The following STK24 variants were observed in gnomAD, a reference collection of about 807,000 sequenced individuals.
STK24 encodes serine/threonine kinase 24.
Under a neutral mutation model 55.6 loss-of-function variants are expected in STK24, and 21 were observed. That is an observed-to-expected ratio of 0.38 (90% confidence interval 0.27 to 0.54). The LOEUF is 0.54. STK24 is among the 20% of genes least tolerant of loss of function. The pLI is 0.79. For missense variants in STK24, 383 were observed against 538.4 expected (o/e 0.71, Z 2.86); for synonymous variants, 200 against 215.2 (o/e 0.93, Z 0.62).
intron 3 of STK24, among the ~76,000 whole-genome samples, chr13:98,479,944 C>G (rs1332354942): frequency 6.6e-6 from 1 of 152,180 alleles, no homozygotes; most frequent in Admixed American, 6.5e-5. Context: ...AGGCTCTGAG[C>G]TGGCAGAGCA....
rs1489096064 is a variant in STK24 at position 98,448,159 on chromosome 13, T to A, written c.*5014A>T. On this transcript the variant is annotated 3_prime_UTR_variant, in exon 11 of 11. Transcript: ENST00000539966. ...AGGCGGCCTGACTTCACCTTGTGTTTCTGTAAGCGATGCCCACCAAAGTGT... is the reference window on the plus strand; with the variant it reads ...AGGCGGCCTGACTTCACCTTGTGTTACTGTAAGCGATGCCCACCAAAGTGT... 4.0e-4 allele frequency: 502 copies of A among 1,261,526 alleles called. 1 individual carries two copies. In the African/African-American group the frequency reaches 4.7e-3, roughly 12 times the overall value. 78.1% of individuals were successfully genotyped at this position (1,261,526 alleles called of 1,614,324 possible).
intron 2 of STK24, among the ~76,000 whole-genome samples, chr13:98,512,635 AT>A (rs932410903): frequency 5.3e-5 from 8 of 151,160 alleles, no homozygotes; most frequent in African/African-American, 1.9e-4. Context: ...TTTCTCCTTC[AT>A]TAACACTACT....
At chr13:98,498,054 T>G (rs1325652483) in intron 2 of STK24, among the ~76,000 whole-genome samples, 1 of 152,082 alleles carries the variant, frequency 6.6e-6, no homozygotes, top group African/African-American at 2.4e-5. Flanking sequence ...GGTTTTGGAG[T>G]TTCTGGAATT....
intron 1 of STK24, chr13:98,542,982 T>C: frequency 2.0e-6 from 2 of 985,330 alleles, no homozygotes; most frequent in Non-Finnish European, 2.4e-6. Flanking sequence ...CCACTTCCTG[T>C]AGCAGAAAAC....
intron 10 of STK24, chr13:98,456,190 GT>G (rs1893445652): frequency 5.2e-6 from 1 of 192,204 alleles, no homozygotes; most frequent in South Asian, 8.1e-5. Flanking sequence ...TTCTCCTGCT[GT>G]CCCCACGTAG....
At position 98,575,406 on chromosome 13, in the gene STK24, T is replaced by TACAC. The variant is rs557819358; in HGVS notation, c.42+1335_42+1338dup. Among the ~76,000 whole-genome samples, 607 of 148,520 alleles carry TACAC rather than the reference T, an allele frequency of 4.1e-3. 3 individuals are homozygous for TACAC. Among genetic ancestry groups the TACAC allele is most frequent in the Middle Eastern group, 0.018 (5 of 282 alleles). On this transcript the variant is annotated intron_variant, in intron 1 of 10. Coordinates refer to ENST00000539966, the MANE Select transcript of STK24 (RefSeq NM_001032296.4). The stretch of plus-strand genomic sequence containing the variant: ...CACACATATATATACTGCTTATATA[T>TACAC]ACACACACACACACACACACACATA...
Position 98,551,065 on chromosome 13 carries a change from T to C in STK24, c.42+25680A>G, listed in dbSNP as rs376124741. 1.3e-4 allele frequency among the ~76,000 whole-genome samples: 20 copies of C among 152,130 alleles called. No homozygotes were observed. The South Asian group carries it at 3.9e-3, about 30-fold the overall frequency. On this transcript the variant is annotated intron_variant, in intron 1 of 10. Transcript: ENST00000539966. ...ACTTTGGGAGGCCGAGGTGGGTGGA[T>C]CACAAGGTCAGGAGATCGAGACCAT...
At chr13:98,466,279 C>G (rs562650548) in intron 6 of STK24, 97 bp downstream of exon 6, 1 of 1,206,526 alleles carries the variant, frequency 8.3e-7, no homozygotes, top group Non-Finnish European at 1.1e-6. Context: ...ACCAGGAAGA[C>G]AGCTGAAAAG....
intron 1 of STK24, among the ~76,000 whole-genome samples, chr13:98,564,694 T>G (rs1897520653): frequency 6.6e-6 from 1 of 151,240 alleles, no homozygotes; most frequent in South Asian, 2.1e-4. Flanking sequence ...TAGTTCGGGG[T>G]TTTCCAAAAA....
intron 1 of STK24, among the ~76,000 whole-genome samples, chr13:98,565,423 C>A (rs1897538818): frequency 6.6e-6 from 1 of 152,012 alleles, no homozygotes; most frequent in Non-Finnish European, 1.5e-5. Context: ...AGGTCAGGAG[C>A]TTGAGACCAG....
intron 3 of STK24, among the ~76,000 whole-genome samples, chr13:98,476,425 C>T (rs891708122): frequency 7.9e-5 from 12 of 152,208 alleles, no homozygotes; most frequent in African/African-American, 1.9e-4. Context: ...TCAGACTTGA[C>T]AGTGAATGTC....
At chr13:98,489,114 T>C (rs1336727096) in intron 2 of STK24, among the ~76,000 whole-genome samples, 1 of 152,114 alleles carries the variant, frequency 6.6e-6, no homozygotes, top group Non-Finnish European at 1.5e-5. Context: ...CCAGCTCTGA[T>C]GGCAACTACA....
chr13:98,466,234 A>G, intron 6 of STK24, 142 bp downstream of exon 6: 1 of 730,512 alleles, frequency 1.4e-6, no homozygotes, highest in East Asian at 3.0e-5. Flanking sequence ...CAAAGAAGTC[A>G]ATCATACTTA....
At chr13:98,571,990 G>T (rs1431777083) in intron 1 of STK24, among the ~76,000 whole-genome samples, 1 of 152,132 alleles carries the variant, frequency 6.6e-6, no homozygotes, top group Non-Finnish European at 1.5e-5. Context: ...CATACTTCCG[G>T]CTGTCTACAG....
At chr13:98,478,221 C>G (rs1347161826) in intron 3 of STK24, among the ~76,000 whole-genome samples, 2 of 152,160 alleles carry the variant, frequency 1.3e-5, no homozygotes, top group Non-Finnish European at 2.9e-5. Context: ...AAATAGGACC[C>G]AGGAAAAAAA....
chr13:98,467,970 T>C (rs2139270555), intron 5 of STK24, among the ~76,000 whole-genome samples: 1 of 152,368 alleles, frequency 6.6e-6, no homozygotes, highest in Non-Finnish European at 1.5e-5. Flanking sequence ...CCTGCTGTTC[T>C]CACTGTGCAC....
rs1273400190 is a variant in STK24, at chr13:98,547,134, G to A, written c.43-27661C>T. 7.2e-5 allele frequency among the ~76,000 whole-genome samples: 11 copies of A among 152,190 alleles called. 1 individual carries two copies. The highest frequency in any genetic ancestry group is 3.3e-4 in the Admixed American group (5 of 15,290). On this transcript the variant is annotated intron_variant, in intron 1 of 10. Transcript: ENST00000539966. ...TCACCATGTTAGCCAGGATGGTCTC[G>A]ATCTCCTGACCTCGTGATCCACCCG...
intron 1 of STK24, among the ~76,000 whole-genome samples, chr13:98,535,645 C>T (rs1205349843): frequency 2.0e-5 from 3 of 152,228 alleles, no homozygotes; most frequent in African/African-American, 7.2e-5. Context: ...CTAGACCTCA[C>T]AACCACCCCA....
intron 2 of STK24, among the ~76,000 whole-genome samples, chr13:98,493,559 G>A (rs1457762921): frequency 6.6e-6 from 1 of 152,118 alleles, no homozygotes; most frequent in Non-Finnish European, 1.5e-5. Context: ...CAACTGCCAA[G>A]TCAGATAAGT....
Sources: allele counts gnomAD v4.1 joint callset (sites outside exome capture counted in the v4.1 genomes callset), GRCh38; gene constraint gnomAD v4.1.1; transcripts MANE v1.5; gene names NCBI Gene and HGNC (gene_info 2026-07-23, HGNC 2026-07-21).